The following GPC6 variants were observed in gnomAD, a reference collection of about 807,000 sequenced individuals.
The protein encoded by GPC6 is glypican 6, also known as glypican-6.
GPC6 carries 14 observed loss-of-function variants against 55.2 expected under a neutral mutation model. The ratio of observed to expected loss-of-function variants is 0.25; its 90% CI spans 0.17 to 0.40. GPC6 has a LOEUF of 0.40. Ranked by LOEUF, GPC6 falls within the 10% of genes least tolerant of loss-of-function variation. GPC6 has a pLI of 1.00. For synonymous variants in GPC6, 278 were observed against 259.6 expected (o/e 1.07, Z -0.68); for missense variants, 641 against 708.5 (o/e 0.90, Z 1.08).
intron 3 of GPC6, among the ~76,000 whole-genome samples, chr13:94,012,692 G>A (rs1882297833): frequency 6.6e-6 from 1 of 152,136 alleles, no homozygotes; most frequent in Admixed American, 6.5e-5. Context: ...GTTTAAAGCT[G>A]TACATGTTCC....
intron 1 of GPC6, among the ~76,000 whole-genome samples, chr13:93,372,242 G>A (rs1322368439): frequency 6.6e-6 from 1 of 152,080 alleles, no homozygotes; most frequent in Admixed American, 6.6e-5. Flanking sequence ...TAGTAACAAG[G>A]CAGAGTTTCA....
intron 4 of GPC6, among the ~76,000 whole-genome samples, chr13:94,125,526 G>A (rs2138858725): frequency 6.6e-6 from 1 of 152,058 alleles, no homozygotes; most frequent in South Asian, 2.1e-4. Context: ...TATTCATTTT[G>A]AAAAACTCTC....
intron 4 of GPC6, among the ~76,000 whole-genome samples, chr13:94,081,491 A>G (rs1382756291): frequency 6.6e-6 from 1 of 152,182 alleles, no homozygotes; most frequent in East Asian, 1.9e-4. Flanking sequence ...TACTATCCAT[A>G]AAATATTACT....
chr13:93,754,245 T>C (rs74108632), intron 2 of GPC6, among the ~76,000 whole-genome samples: 3,601 of 152,256 alleles, frequency 0.024, 155 homozygotes, highest in African/African-American at 0.081. Context: ...TTATATTAGC[T>C]CCAAAGAGAG....
At chr13:93,825,029 A>G (rs377648612) in intron 2 of GPC6, among the ~76,000 whole-genome samples, 1 of 152,024 alleles carries the variant, frequency 6.6e-6, no homozygotes, top group African/African-American at 2.4e-5. Flanking sequence ...CAAACAAATC[A>G]TGGGGTTGAT....
chr13:93,601,060 A>G (rs576387951), intron 2 of GPC6, among the ~76,000 whole-genome samples: 115 of 151,966 alleles, frequency 7.6e-4, no homozygotes, highest in Admixed American at 2.6e-3. Flanking sequence ...GATCTTCACT[A>G]GAGGAAAAGA....
chr13:94,147,584 A>G (rs1887607477), intron 4 of GPC6, among the ~76,000 whole-genome samples: 1 of 152,196 alleles, frequency 6.6e-6, no homozygotes, highest in Non-Finnish European at 1.5e-5. Flanking sequence ...ATGATTAACC[A>G]ATGCCTCTTC....
chr13:93,890,298 T>G (rs538002615), intron 3 of GPC6, among the ~76,000 whole-genome samples: 1 of 152,206 alleles, frequency 6.6e-6, no homozygotes, highest in South Asian at 2.1e-4. Flanking sequence ...CTTAGGTAAT[T>G]TCTTGTAGCC....
intron 6 of GPC6, among the ~76,000 whole-genome samples, chr13:94,358,809 A>G (rs937556776): frequency 2.0e-5 from 3 of 152,196 alleles, no homozygotes; most frequent in African/African-American, 2.4e-5. Flanking sequence ...ATGATTTTCT[A>G]GGATACTCAG....
At chr13:93,330,556 A>C (rs1157372771) in intron 1 of GPC6, among the ~76,000 whole-genome samples, 1 of 152,076 alleles carries the variant, frequency 6.6e-6, no homozygotes, top group Non-Finnish European at 1.5e-5. Context: ...CAGATTTACA[A>C]ATGCTCCCTA....
chr13:94,295,966 G>A (rs1053465263), intron 5 of GPC6, among the ~76,000 whole-genome samples: 1 of 151,642 alleles, frequency 6.6e-6, no homozygotes, highest in Non-Finnish European at 1.5e-5. Flanking sequence ...CGAGAAACAG[G>A]GACCTTGAAA....
In GPC6 at chr13:93,613,801, G is replaced by A. The variant is rs76771930; in HGVS notation, c.319+68380G>A. Among the ~76,000 whole-genome samples, 22 of 152,224 alleles carry A rather than the reference G, an allele frequency of 1.4e-4. No homozygotes were observed. In the East Asian group the frequency reaches 4.1e-3, roughly 28 times the overall value. On this transcript the variant is annotated intron_variant, in intron 2 of 8. Coordinates refer to ENST00000377047, the MANE Select transcript of GPC6 (RefSeq NM_005708.5). Reference sequence around the variant, plus strand: ...TTCCAGGCCTCAGATCTCAACTAAGGTGTTTTCAAGTCCCACAACCCTGGA... The same window carrying A: ...TTCCAGGCCTCAGATCTCAACTAAGATGTTTTCAAGTCCCACAACCCTGGA...
intron 2 of GPC6, among the ~76,000 whole-genome samples, chr13:93,665,969 T>C (rs1881115653): frequency 6.6e-6 from 1 of 152,096 alleles, no homozygotes; most frequent in Non-Finnish European, 1.5e-5. Context: ...TAAGTCAGGC[T>C]CTCCTTTAAC....
chr13:94,406,566 T>G lies in GPC6; in HGVS notation c.*3349T>G, dbSNP rs1412112580. The G allele has an allele frequency of 1.3e-5, 2 of 152,208 alleles. No individual in the cohort carries two copies. The highest frequency in any genetic ancestry group is 1.5e-5 in the Non-Finnish European group (1 of 67,988). 9.4% of individuals were successfully genotyped at this position (152,208 alleles called of 1,614,324 possible). Reference sequence around the variant, plus strand: ...CTACACTGAAAAACATTATTATTCATTGATAAGTAGTAATAATTATAAAAG... The same window carrying G: ...CTACACTGAAAAACATTATTATTCAGTGATAAGTAGTAATAATTATAAAAG... On this transcript the variant is annotated 3_prime_UTR_variant, in exon 9 of 9. Coordinates refer to ENST00000377047, the MANE Select transcript of GPC6 (RefSeq NM_005708.5).
intron 4 of GPC6, among the ~76,000 whole-genome samples, chr13:94,171,798 G>C (rs1057204350): frequency 6.6e-6 from 1 of 152,126 alleles, no homozygotes; most frequent in Non-Finnish European, 1.5e-5. Flanking sequence ...GTGCTTCAGT[G>C]AGCCTCTACT....
chr13:94,362,904 G>C (rs563341033), intron 6 of GPC6, among the ~76,000 whole-genome samples: 1 of 152,218 alleles, frequency 6.6e-6, no homozygotes, highest in African/African-American at 2.4e-5. Context: ...TTTAAGTTCT[G>C]GGATACATGT....
chr13:94,102,549 C>G (rs865990019), intron 4 of GPC6, among the ~76,000 whole-genome samples: 1 of 151,398 alleles, frequency 6.6e-6, no homozygotes, highest in African/African-American at 2.4e-5. Context: ...AAAACTAAGC[C>G]TTGTTAATAA....
At chr13:93,993,296 T>TTTC in intron 3 of GPC6, among the ~76,000 whole-genome samples, 1 of 105,604 alleles carries the variant, frequency 9.5e-6, no homozygotes, top group East Asian at 4.6e-4. Flanking sequence ...TCTTTCTTTC[T>TTTC]TTTTTTTTTT....
At chr13:94,133,703 A>C (rs1887085234) in intron 4 of GPC6, among the ~76,000 whole-genome samples, 1 of 151,868 alleles carries the variant, frequency 6.6e-6, no homozygotes, top group African/African-American at 2.4e-5. Flanking sequence ...GCCTAAAAAG[A>C]ACACAACAGC....
Sources: gnomAD v4.1 joint callset for allele counts (sites outside exome capture counted in the v4.1 genomes callset) on GRCh38, gnomAD v4.1.1 for gene constraint, MANE v1.5 for transcripts, NCBI Gene and HGNC (gene_info 2026-07-23, HGNC 2026-07-21) for gene names.